The following NR6A1 variants were observed in gnomAD, a reference collection of about 807,000 sequenced individuals.
NR6A1 encodes retinoic acid receptor-related testis-associated receptor.
A neutral mutation model predicts 59.1 loss-of-function variants in NR6A1; 7 were observed. That is an observed-to-expected ratio of 0.12 (90% CI 0.07 to 0.22). The LOEUF (loss-of-function observed/expected upper bound fraction) is 0.22. Among genes scored for constraint, NR6A1 ranks in the 10% least tolerant of loss-of-function variants. NR6A1 has a pLI of 1.00. For synonymous variants in NR6A1, 243 were observed against 236.1 expected, an observed-to-expected ratio of 1.03 and a Z score of -0.27; for missense variants, 468 against 611.6, an observed-to-expected ratio of 0.77 and a Z score of 2.48.
chr9:124,661,153 GC>G (rs1837421306), intron 2 of NR6A1, among the ~76,000 whole-genome samples: 1 of 151,798 alleles, frequency 6.6e-6, no homozygotes, highest in Admixed American at 6.6e-5. Context: ...TAAAATCAAA[GC>G]CCCAAGAATT....
chr9:124,675,918 G>T (rs116740697), intron 2 of NR6A1, among the ~76,000 whole-genome samples: 1,672 of 152,272 alleles, frequency 0.011, 28 homozygotes, highest in African/African-American at 0.038. Flanking sequence ...GTACGTGTAG[G>T]TGTAATTGTA....
chr9:124,588,452 C>T (rs1588690205), intron 2 of NR6A1, among the ~76,000 whole-genome samples: 1 of 151,648 alleles, frequency 6.6e-6, no homozygotes, highest in Non-Finnish European at 1.5e-5. Flanking sequence ...GGACTACAGG[C>T]GCCCGCCACC....
intron 2 of NR6A1, chr9:124,692,363 A>G: frequency 2.5e-6 from 1 of 396,054 alleles, no homozygotes. Context: ...TCGACTTGAA[A>G]CCCAGAGAGG....
chr9:124,739,187 C>CA (rs914049465), intron 1 of NR6A1, among the ~76,000 whole-genome samples: 2,450 of 80,352 alleles, frequency 0.03, 43 homozygotes, highest in African/African-American at 0.078. Flanking sequence ...GACTCCATCT[C>CA]AAAAAAAAAA....
At chr9:124,696,361 C>T (rs1367595134) in intron 2 of NR6A1, among the ~76,000 whole-genome samples, 2 of 152,128 alleles carry the variant, frequency 1.3e-5, no homozygotes, top group East Asian at 3.8e-4. Context: ...CTCAAAAAGG[C>T]ATACTTTGGC....
intron 8 of NR6A1, 56 bp from the exon 9 acceptor site, chr9:124,524,929 A>G (rs1473980656): frequency 2.0e-6 from 3 of 1,532,164 alleles, no homozygotes; most frequent in Non-Finnish European, 2.6e-6. Context: ...GGGCATTCTA[A>G]TGTGGAAGAA....
At position 124,542,362 on chromosome 9, in the gene NR6A1, C is replaced by T. The variant is rs114805439; in HGVS notation, c.441+1440G>A. ...ACGCTGTGCTCATATGATAAGAAAT[C>T]CCCCAAACATCATCAGTGTATGTCT... On this transcript the variant is annotated intron_variant, in intron 4 of 9. Coordinates refer to ENST00000487099, the MANE Select transcript of NR6A1 (RefSeq NM_033334.4). Among the ~76,000 whole-genome samples the T allele has an allele frequency of 6.9e-3, 1,049 of 152,272 alleles. 5 individuals are homozygous for T. The highest frequency in any genetic ancestry group is 0.024 in the African/African-American group (998 of 41,562).
At chr9:124,626,976 G>A (rs1384957699) in intron 2 of NR6A1, among the ~76,000 whole-genome samples, 1 of 152,142 alleles carries the variant, frequency 6.6e-6, no homozygotes, top group Admixed American at 6.5e-5. Flanking sequence ...AGACTACTGA[G>A]AAGCTACCAT....
intron 2 of NR6A1, among the ~76,000 whole-genome samples, chr9:124,697,734 T>C (rs1246063575): frequency 6.6e-6 from 1 of 151,564 alleles, no homozygotes; most frequent in Non-Finnish European, 1.5e-5. Context: ...GGCGTTCTAG[T>C]CATTGTGGAA....
chr9:124,534,604 A>C (rs1443088818), intron 7 of NR6A1, among the ~76,000 whole-genome samples: 4 of 152,204 alleles, frequency 2.6e-5, no homozygotes, highest in Non-Finnish European at 4.4e-5. Context: ...AATGACAAAG[A>C]GAATAGCTCA....
chr9:124,710,215 T>TTA (rs1839236497), intron 2 of NR6A1, among the ~76,000 whole-genome samples: 1 of 152,162 alleles, frequency 6.6e-6, no homozygotes, highest in South Asian at 2.1e-4. Flanking sequence ...ATGAAGGACT[T>TTA]TATTTCCTTC....
intron 2 of NR6A1, among the ~76,000 whole-genome samples, chr9:124,663,678 G>T (rs1335562304): frequency 6.6e-6 from 1 of 152,112 alleles, no homozygotes; most frequent in African/African-American, 2.4e-5. Flanking sequence ...GGAAATAGAA[G>T]GGTTCCAGGC....
At chr9:124,594,622 G>A (rs1362420158) in intron 2 of NR6A1, among the ~76,000 whole-genome samples, 1 of 152,180 alleles carries the variant, frequency 6.6e-6, no homozygotes, top group Non-Finnish European at 1.5e-5. Context: ...TAAATAACAG[G>A]CCTTATATAT....
At chr9:124,573,377 A>T (rs190848560) in intron 2 of NR6A1, among the ~76,000 whole-genome samples, 1 of 152,188 alleles carries the variant, frequency 6.6e-6, no homozygotes, top group Non-Finnish European at 1.5e-5. Context: ...TCACAACTAC[A>T]TAACAGCTTG....
chr9:124,535,860 C>A lies in NR6A1; in HGVS notation c.1079+18G>T. The A allele has an allele frequency of 6.2e-7, 1 of 1,613,012 alleles. No homozygotes were observed. Among genetic ancestry groups the A allele is most frequent in the South Asian group, 1.1e-5 (1 of 90,982 alleles). ...TGTTTGGTTGTTTGGTATTTCCTCC[C>A]CAGCCAGGAGGCCTCACCTGTGTAG... On this transcript the variant is annotated intron_variant, in intron 7 of 9. Transcript: ENST00000487099.
intron 2 of NR6A1, among the ~76,000 whole-genome samples, chr9:124,592,942 C>T (rs939315520): frequency 1.3e-5 from 2 of 152,076 alleles, no homozygotes; most frequent in African/African-American, 4.8e-5. Context: ...TGCCTTAGTC[C>T]TCTGGAAAAG....
intron 2 of NR6A1, among the ~76,000 whole-genome samples, chr9:124,710,339 A>G (rs762246357): frequency 4.6e-5 from 7 of 152,246 alleles, no homozygotes; most frequent in Non-Finnish European, 1.0e-4. Context: ...GACCACATGT[A>G]GTAATCCTAC....
chr9:124,726,798 C>T (rs1262770836), intron 2 of NR6A1, among the ~76,000 whole-genome samples: 1 of 152,206 alleles, frequency 6.6e-6, no homozygotes, highest in Admixed American at 6.5e-5. Flanking sequence ...GGGTTACTAA[C>T]CTTGGAATGT....
intron 1 of NR6A1, among the ~76,000 whole-genome samples, chr9:124,764,114 G>C (rs1420835985): frequency 2.0e-5 from 3 of 151,660 alleles, no homozygotes; most frequent in Non-Finnish European, 4.4e-5. Flanking sequence ...AACCCAGGAA[G>C]CTGAGGTTGC....
Sources: gnomAD v4.1 joint callset for allele counts (sites outside exome capture counted in the v4.1 genomes callset) on GRCh38, gnomAD v4.1.1 for gene constraint, MANE v1.5 for transcripts, NCBI Gene and HGNC (gene_info 2026-07-23, HGNC 2026-07-21) for gene names.